The following AHI1 variants were observed in gnomAD, a reference collection of about 807,000 sequenced individuals.
AHI1 encodes jouberin.
Under a neutral mutation model 149.3 loss-of-function variants are expected in AHI1, and 123 were observed. That is an observed-to-expected ratio of 0.82 (90% CI 0.71 to 0.96). The LOEUF (loss-of-function observed/expected upper bound fraction) is 0.96. Among genes scored for constraint, AHI1 ranks in the 40% least tolerant of loss-of-function variants. The pLI is 0.00. For missense variants in AHI1, 1,439 were observed against 1,422.7 expected (o/e 1.01, Z -0.18); for synonymous variants, 475 against 459.8 (o/e 1.03, Z -0.42).
intron 26 of AHI1, chr6:135,304,892 G>A (rs1784361391): frequency 6.6e-6 from 1 of 152,192 alleles, no homozygotes; most frequent in Non-Finnish European, 1.5e-5. Context: ...TGGAAGATAA[G>A]GCAAAATAGG....
At chr6:135,357,060 T>C (rs1793080548) in intron 24 of AHI1, among the ~76,000 whole-genome samples, 1 of 152,270 alleles carries the variant, frequency 6.6e-6, no homozygotes, top group East Asian at 1.9e-4. Flanking sequence ...TGCCTCAGCC[T>C]CCCGAGTAGC....
intron 8 of AHI1, among the ~76,000 whole-genome samples, chr6:135,458,852 C>A (rs768278262): frequency 1.4e-4 from 21 of 152,090 alleles, no homozygotes; most frequent in African/African-American, 5.1e-4. Flanking sequence ...GATCTCCCAT[C>A]GTATTTAGGG....
intron 21 of AHI1, among the ~76,000 whole-genome samples, chr6:135,405,558 G>A (rs893566449): frequency 2.6e-5 from 4 of 152,038 alleles, no homozygotes; most frequent in African/African-American, 9.7e-5. Flanking sequence ...GCTAAGGAGA[G>A]AGTAAAAATA....
chr6:135,491,191 T>C (rs1583510515), intron 4 of AHI1, among the ~76,000 whole-genome samples: 1 of 152,214 alleles, frequency 6.6e-6, no homozygotes, highest in South Asian at 2.1e-4. Flanking sequence ...TAACAGGTTT[T>C]TCCTTTAAAA....
intron 7 of AHI1, among the ~76,000 whole-genome samples, chr6:135,464,190 A>G (rs118120930): frequency 6.6e-6 from 1 of 152,186 alleles, no homozygotes; most frequent in Middle Eastern, 3.2e-3. Flanking sequence ...ATTTCAAAAA[A>G]AAAATGGGTT....
intron 22 of AHI1, among the ~76,000 whole-genome samples, chr6:135,400,461 CA>C (rs996883987): frequency 1.9e-3 from 261 of 139,792 alleles, no homozygotes; most frequent in Non-Finnish European, 1.7e-3. Flanking sequence ...TGTAATACTT[CA>C]AAAAAAAAAA....
At chr6:135,404,518 G>T (rs1280736760) in intron 22 of AHI1, among the ~76,000 whole-genome samples, 1 of 152,102 alleles carries the variant, frequency 6.6e-6, no homozygotes, top group Non-Finnish European at 1.5e-5. Context: ...AAATGTGAAA[G>T]ACTTATAAAT....
chr6:135,458,658 C>T (rs1789364927), intron 8 of AHI1, among the ~76,000 whole-genome samples: 1 of 152,170 alleles, frequency 6.6e-6, no homozygotes, highest in Admixed American at 6.5e-5. Context: ...CAGAAGGTTG[C>T]TACTGAGGGA....
intron 5 of AHI1, among the ~76,000 whole-genome samples, chr6:135,482,759 T>C (rs186775950): frequency 6.6e-6 from 1 of 152,030 alleles, no homozygotes; most frequent in Admixed American, 6.6e-5. Flanking sequence ...AAATGCCTGG[T>C]AGATTTGACT....
intron 20 of AHI1, among the ~76,000 whole-genome samples, chr6:135,416,501 C>A (rs965489292): frequency 1.3e-5 from 2 of 151,792 alleles, no homozygotes; most frequent in Middle Eastern, 3.2e-3. Flanking sequence ...TGTGCAACAA[C>A]AGTTGTTTAA....
At position 135,318,527 on chromosome 6, in the gene AHI1, G is replaced by A. The variant is rs201148693; in HGVS notation, c.3418C>T (p.Pro1140Ser). Residue 1140 changes from proline to serine, a missense_variant, in exon 26 of 29, where the codon CCT becomes TCT. Pro to Ser is a moderately conservative substitution (Grantham distance 74). Transcript: ENST00000265602. ...EKTKIEKSPA[P>S]QKQSINKNKS... is the part of the protein sequence containing the mutation. ...TGCTCAAAAACATTTACCTTTTGAG[G>A]AGCTGGAGATTTTTCTATTTTAGTT... The A allele has an allele frequency of 6.0e-4, 954 of 1,584,320 alleles. 1 individual carries two copies. Among genetic ancestry groups the A allele is most frequent in the Middle Eastern group, 4.5e-3 (27 of 6,022 alleles).
chr6:135,288,578 A>T (rs1162295487), intron 28 of AHI1, among the ~76,000 whole-genome samples: 10 of 151,994 alleles, frequency 6.6e-5, no homozygotes, highest in Non-Finnish European at 1.5e-4. Flanking sequence ...TATTATATAA[A>T]CTATTTTATA....
chr6:135,355,789 C>T (rs1792860957), intron 24 of AHI1, among the ~76,000 whole-genome samples: 1 of 152,108 alleles, frequency 6.6e-6, no homozygotes, highest in Non-Finnish European at 1.5e-5. Flanking sequence ...ATCCCAGCTA[C>T]TTAGGAGGCT....
chr6:135,317,741 C>A (rs1241690065), intron 26 of AHI1, among the ~76,000 whole-genome samples: 1 of 152,050 alleles, frequency 6.6e-6, no homozygotes, highest in African/African-American at 2.4e-5. Context: ...TGCTGACTGA[C>A]TGAATGATAT....
At chr6:135,349,043 T>A (rs1378931126) in intron 24 of AHI1, among the ~76,000 whole-genome samples, 1 of 152,136 alleles carries the variant, frequency 6.6e-6, no homozygotes, top group Non-Finnish European at 1.5e-5. Flanking sequence ...AATATCCAGA[T>A]AATAGAAACC....
intron 13 of AHI1, among the ~76,000 whole-genome samples, chr6:135,446,039 G>C (rs1787153755): frequency 6.6e-6 from 1 of 151,670 alleles, no homozygotes; most frequent in Admixed American, 6.6e-5. Context: ...CTGGGCGACA[G>C]AGCAAGTCTC....
intron 24 of AHI1, among the ~76,000 whole-genome samples, chr6:135,326,753 G>A (rs983898524): frequency 1.9e-5 from 2 of 103,252 alleles, no homozygotes; most frequent in Non-Finnish European, 3.7e-5. Context: ...TAGAGATGGG[G>A]TTTCACCACG....
At chr6:135,338,143 C>CA (rs1283368632) in intron 24 of AHI1, among the ~76,000 whole-genome samples, 3 of 150,950 alleles carry the variant, frequency 2.0e-5, no homozygotes, top group Non-Finnish European at 3.0e-5. Context: ...ACTAATAATA[C>CA]AAAAAAAATT....
chr6:135,481,705 CTTTTT>C (rs147878972), intron 5 of AHI1, among the ~76,000 whole-genome samples: 1 of 139,716 alleles, frequency 7.2e-6, no homozygotes, highest in Non-Finnish European at 1.6e-5. Flanking sequence ...TATTGTTGTC[CTTTTT>C]TTTTTTTAAC....
Sources: allele counts gnomAD v4.1 joint callset (sites outside exome capture counted in the v4.1 genomes callset), GRCh38; gene constraint gnomAD v4.1.1; transcripts MANE v1.5; gene names NCBI Gene and HGNC (gene_info 2026-07-23, HGNC 2026-07-21).